Variants in WWOX observed in about 807,000 individuals in gnomAD.
WWOX encodes the protein WW domain-containing oxidoreductase.
A neutral mutation model predicts 46.2 loss-of-function variants in WWOX; 69 were observed. The ratio of observed to expected loss-of-function variants is 1.49; its 90% confidence interval spans 1.23 to 1.82. The LOEUF (loss-of-function observed/expected upper bound fraction) is 1.82. WWOX is among the 40% of genes most tolerant of loss of function. WWOX has a pLI of 0.00. For synonymous variants in WWOX, 359 were observed against 202.6 expected (o/e 1.77, Z -6.56); for missense variants, 919 against 542.6 (o/e 1.69, Z -6.89).
At chr16:78,759,124 G>A (rs945190707) in intron 8 of WWOX, among the ~76,000 whole-genome samples, 3 of 152,024 alleles carry the variant, frequency 2.0e-5, no homozygotes, top group Non-Finnish European at 4.4e-5. Context: ...GGGATTCCTG[G>A]CTGATCTGTG....
intron 8 of WWOX, among the ~76,000 whole-genome samples, chr16:78,475,047 C>A (rs2084321769): frequency 6.6e-6 from 1 of 152,128 alleles, no homozygotes; most frequent in Admixed American, 6.5e-5. Flanking sequence ...CATAGCCAGG[C>A]ATTCTAAATG....
chr16:78,261,980 G>T (rs1824932081), intron 5 of WWOX, among the ~76,000 whole-genome samples: 1 of 149,312 alleles, frequency 6.7e-6, no homozygotes, highest in African/African-American at 2.5e-5. Flanking sequence ...ATCTGAGTAG[G>T]GCTTTAAGAA....
chr16:78,443,675 A>G (rs1311310292), intron 8 of WWOX, among the ~76,000 whole-genome samples: 2 of 152,216 alleles, frequency 1.3e-5, no homozygotes, highest in African/African-American at 4.8e-5. Context: ...TGAACATTTA[A>G]CCAAGATTTG....
intron 8 of WWOX, among the ~76,000 whole-genome samples, chr16:78,925,913 A>G (rs1244010876): frequency 6.6e-6 from 1 of 152,158 alleles, no homozygotes. Flanking sequence ...ATGAAGGTAG[A>G]ATGTGGGACT....
At chr16:79,067,361 C>G (rs957986810) in intron 8 of WWOX, among the ~76,000 whole-genome samples, 1 of 152,160 alleles carries the variant, frequency 6.6e-6, no homozygotes, top group Non-Finnish European at 1.5e-5. Flanking sequence ...TGTCTGCTCT[C>G]GCTCTCTCTC....
intron 5 of WWOX, among the ~76,000 whole-genome samples, chr16:78,325,048 C>T (rs1432450276): frequency 4.6e-5 from 7 of 152,172 alleles, no homozygotes; most frequent in Non-Finnish European, 2.9e-5. Flanking sequence ...ATTCCTTGGC[C>T]ATGCTGGAAG....
chr16:78,132,763 T>G (rs746890100), intron 4 of WWOX, among the ~76,000 whole-genome samples: 3 of 152,188 alleles, frequency 2.0e-5, no homozygotes, highest in Admixed American at 1.3e-4. Context: ...AGCTCTGGGC[T>G]CTTCGATTCT....
intron 8 of WWOX, among the ~76,000 whole-genome samples, chr16:79,059,976 G>C (rs10492902): frequency 0.066 from 10,073 of 152,092 alleles, 643 homozygotes; most frequent in African/African-American, 0.17. Flanking sequence ...TTTGTCCTTG[G>C]CAATTCCTTA....
chr16:78,387,799 T>G (rs1377533247), intron 6 of WWOX, among the ~76,000 whole-genome samples: 1 of 152,084 alleles, frequency 6.6e-6, no homozygotes, highest in Non-Finnish European at 1.5e-5. Flanking sequence ...TTCAGTGACT[T>G]GATTCAAACA....
chr16:78,328,857 C>CTT (rs954988643), intron 5 of WWOX, among the ~76,000 whole-genome samples: 1 of 134,150 alleles, frequency 7.5e-6, no homozygotes, highest in Non-Finnish European at 1.6e-5. Context: ...GTTTTCTTTT[C>CTT]TTTTCTCTTC....
intron 8 of WWOX, among the ~76,000 whole-genome samples, chr16:79,173,405 T>C (rs1170947602): frequency 6.6e-6 from 1 of 152,172 alleles, no homozygotes; most frequent in East Asian, 1.9e-4. Flanking sequence ...ATGGGTCTCT[T>C]TCACACACCC....
chr16:78,709,278 C>T (rs867228977), intron 8 of WWOX, among the ~76,000 whole-genome samples: 1 of 152,198 alleles, frequency 6.6e-6, no homozygotes, highest in African/African-American at 2.4e-5. Context: ...GACAAAATAA[C>T]AGTTCATCTG....
chr16:78,776,833 C>T (rs1027891888), intron 8 of WWOX, among the ~76,000 whole-genome samples: 1 of 152,084 alleles, frequency 6.6e-6, no homozygotes, highest in African/African-American at 2.4e-5. Context: ...ATAAAACCAT[C>T]AGATCGCGTA....
chr16:78,540,020 T>A (rs3041558), intron 8 of WWOX, among the ~76,000 whole-genome samples: 25,695 of 132,292 alleles, frequency 0.19, 2,582 homozygotes, highest in African/African-American at 0.27. Flanking sequence ...TCTCTCTCTC[T>A]CACACACACA....
intron 8 of WWOX, among the ~76,000 whole-genome samples, chr16:78,867,712 G>A (rs2044036658): frequency 6.6e-6 from 1 of 151,896 alleles, no homozygotes; most frequent in African/African-American, 2.4e-5. Flanking sequence ...GGCTAATTAA[G>A]TGAGTTTCTT....
chr16:78,797,058 T>G (rs943521897), intron 8 of WWOX, among the ~76,000 whole-genome samples: 3 of 152,056 alleles, frequency 2.0e-5, no homozygotes, highest in African/African-American at 7.2e-5. Context: ...ACACCTGATC[T>G]CAAGTGATCC....
At chr16:78,181,796 T>C (rs995750005) in intron 5 of WWOX, among the ~76,000 whole-genome samples, 1 of 152,226 alleles carries the variant, frequency 6.6e-6, no homozygotes, top group African/African-American at 2.4e-5. Flanking sequence ...GAGTGAAATT[T>C]CACTGATGCT....
rs62034044 is a variant in WWOX, at chr16:78,231,910, C to T, written c.516+67621C>T. Among the ~76,000 whole-genome samples, 827 of 149,804 alleles carry T rather than the reference C, an allele frequency of 5.5e-3. 9 individuals carry two copies. Among genetic ancestry groups the T allele is most frequent in the African/African-American group, 0.02 (798 of 40,628 alleles). The stretch of plus-strand genomic sequence containing the variant: ...AGGTCTAATCTTGATTTTTTTTTTC[C>T]TGCACAATATGGAATTCAGTGTTTT... On this transcript the variant is annotated intron_variant, in intron 5 of 8. Coordinates refer to ENST00000566780, the MANE Select transcript of WWOX (RefSeq NM_016373.4).
intron 8 of WWOX, among the ~76,000 whole-genome samples, chr16:78,760,525 A>G (rs1245998997): frequency 6.6e-6 from 1 of 152,174 alleles, no homozygotes; most frequent in South Asian, 2.1e-4. Flanking sequence ...CACACTCCTC[A>G]AACCTAAGCT....
Sources: allele counts gnomAD v4.1 joint callset (sites outside exome capture counted in the v4.1 genomes callset), GRCh38; gene constraint gnomAD v4.1.1; transcripts MANE v1.5; gene names NCBI Gene and HGNC (gene_info 2026-07-23, HGNC 2026-07-21).